OTOP2: variants seen among roughly 807,000 people sequenced by gnomAD.
OTOP2 encodes otopetrin 2, also known as proton channel OTOP2.
OTOP2 carries 41 observed loss-of-function variants against 47.4 expected under a neutral mutation model. That is an observed-to-expected ratio of 0.87 (90% confidence interval 0.67 to 1.12). The LOEUF (loss-of-function observed/expected upper bound fraction) is 1.12, where lower values mean the gene tolerates loss of function less well. Among genes scored for constraint, OTOP2 ranks in the 50% most tolerant of loss-of-function variants. The probability of loss-of-function intolerance (pLI) is 0.00; values close to 1 mark genes in which losing one functional copy is unlikely to be tolerated. For missense variants in OTOP2, 721 were observed against 752.2 expected, an observed-to-expected ratio of 0.96 and a Z score of 0.49; for synonymous variants, 328 against 319.6, an observed-to-expected ratio of 1.03 and a Z score of -0.28.
rs368677700 is a variant in OTOP2 at position 74,930,193 on chromosome 17, C to CA, written c.644-75dup. 0.04 allele frequency: 40,314 copies of CA among 1,018,456 alleles called. 1 individual carries two copies. The highest frequency in any genetic ancestry group is 0.052 in the South Asian group (2,596 of 50,128). 63.1% of individuals were successfully genotyped at this position (1,018,456 alleles called of 1,614,324 possible). On this transcript the variant is annotated intron_variant, in intron 5 of 6. Coordinates refer to ENST00000331427, the MANE Select transcript of OTOP2 (RefSeq NM_178160.3). The surrounding 1 kb of genome is among the most constrained non-coding windows in gnomAD (Gnocchi z 4.0). ...AGTGAAACTCCGTCTCAAAACAAAA[C>CA]AAAAAAAAAAAGGTCACAGGCTAGG...
chr17:74,932,918 G>A (rs1398807783), intron 6 of OTOP2, among the ~76,000 whole-genome samples: 1 of 152,194 alleles, frequency 6.6e-6, no homozygotes, highest in Non-Finnish European at 1.5e-5. Context: ...GGAGGGCAGA[G>A]CTCAAGGAGG....
At position 74,933,102 on chromosome 17, in the gene OTOP2, C is replaced by T. The variant is rs966269492; in HGVS notation, c.1519-273C>T. Among the ~76,000 whole-genome samples the T allele has an allele frequency of 1.3e-5, 2 of 152,096 alleles. No homozygotes were observed. The highest frequency in any genetic ancestry group is 4.8e-5 in the African/African-American group (2 of 41,378). On this transcript the variant is annotated intron_variant, in intron 6 of 6. Coordinates refer to ENST00000331427, the MANE Select transcript of OTOP2 (RefSeq NM_178160.3). This position sits in a 1 kb window ranked among gnomAD's most constrained non-coding sequence, Gnocchi z 4.7. The stretch of plus-strand genomic sequence containing the variant: ...CCCCTCCCCAATCCCACATTGAGGC[C>T]CTGCTAAGATTTTGGGAGAGGTGAT...
rs1374382942 is a variant in OTOP2, at chr17:74,925,612, T to G, written c.370T>G (p.Tyr124Asp). Reference protein sequence around the residue: ...TLIMDVFKTGYYSSFFECQSA... With the variant: ...TLIMDVFKTGDYSSFFECQSA... ...CATCATGGATGTCTTCAAGACCGGC[T>G]ACTACTCCAGTTTCTTTGAGTGCCA... The change falls in exon 3 of 7, where the codon TAC becomes GAC. Residue 124 changes from tyrosine to aspartate, a missense_variant. By Grantham distance (160) the Tyr-to-Asp change is radical. Transcript: ENST00000331427. 6.2e-7 allele frequency: 1 copy of G among 1,614,050 alleles called. No homozygotes were observed. The highest frequency in any genetic ancestry group is 1.3e-5 in the African/African-American group (1 of 74,914).
intron 3 of OTOP2, among the ~76,000 whole-genome samples, 164 bp from the exon 4 acceptor site, chr17:74,927,059 G>A (rs919480477): frequency 6.6e-6 from 1 of 152,228 alleles, no homozygotes; most frequent in Non-Finnish European, 1.5e-5. Context: ...ACAGGCGTGA[G>A]CCACTGCACC....
At position 74,931,070 on chromosome 17, in the gene OTOP2, G is replaced by C; in HGVS notation, c.1435G>C (p.Ala479Pro). ...PSPSDQREAV[A>P]IVSTPRSQWR... ...CCCTTCAGACCAGCGGGAAGCAGTG[G>C]CCATCGTCTCAACCCCCAGAAGCCA... Residue 479 changes from alanine to proline, a missense_variant, in exon 6 of 7, where the codon GCC becomes CCC. Coordinates refer to ENST00000331427, the MANE Select transcript of OTOP2 (RefSeq NM_178160.3). 1 of 1,614,098 alleles carries C rather than the reference G, an allele frequency of 6.2e-7. No individual in the cohort carries two copies. Among genetic ancestry groups the C allele is most frequent in the Non-Finnish European group, 8.5e-7 (1 of 1,180,010 alleles).
At position 74,930,635 on chromosome 17, in the gene OTOP2, G is replaced by T. The variant is rs761320824; in HGVS notation, c.1000G>T (p.Val334Phe). ...GGTCATCTACTACAGCTTCAACATTGTCTGCTTGGGACTCACCACCTTGGT... is the reference window on the plus strand; with the variant it reads ...GGTCATCTACTACAGCTTCAACATTTTCTGCTTGGGACTCACCACCTTGGT... ...ALVIYYSFNI[V>F]CLGLTTLVSL... The change falls in exon 6 of 7, where the codon GTC becomes TTC. Residue 334 changes from valine to phenylalanine, a missense_variant. Val to Phe is a conservative substitution (Grantham distance 50). Transcript: ENST00000331427. This position sits in a 1 kb window ranked among gnomAD's most constrained non-coding sequence, Gnocchi z 4.0. 14 of 1,614,044 alleles carry T rather than the reference G, an allele frequency of 8.7e-6. No individual in the cohort carries two copies. The highest frequency in any genetic ancestry group is 1.1e-5 in the Non-Finnish European group (13 of 1,180,018).
At position 74,930,792 on chromosome 17, in the gene OTOP2, C is replaced by A. The variant is rs746803896; in HGVS notation, c.1157C>A (p.Ser386Tyr). 2.5e-6 allele frequency: 4 copies of A among 1,614,082 alleles called. No individual in the cohort carries two copies. The highest frequency in any genetic ancestry group is 3.3e-5 in the Admixed American group (2 of 60,008). The change falls in exon 6 of 7, where the codon TCC (serine) becomes TAC (tyrosine). Residue 386 changes from serine (S) to tyrosine (Y), a missense_variant. Physicochemically the swap from Ser to Tyr is moderately radical, Grantham distance 144. Transcript: ENST00000331427. The surrounding 1 kb of genome is among the most constrained non-coding windows in gnomAD (Gnocchi z 4.0). ...ALGQYAISYY[S>Y]IVAVVAGTPQ... is the part of the protein sequence containing the mutation. ...GGTCAGTACGCCATCTCTTACTACT[C>A]CATCGTGGCTGTGGTGGCGGGCACA...
chr17:74,931,465 C>T (rs1465172591), intron 6 of OTOP2, among the ~76,000 whole-genome samples: 1 of 152,140 alleles, frequency 6.6e-6, no homozygotes, highest in Admixed American at 6.5e-5. Flanking sequence ...ATGTGGAAGG[C>T]GGGGTCCTCA....
intron 5 of OTOP2, among the ~76,000 whole-genome samples, chr17:74,928,403 C>A (rs1228147394): frequency 6.6e-6 from 1 of 151,972 alleles, no homozygotes; most frequent in African/African-American, 2.4e-5. Context: ...CAAGAGTGAT[C>A]AAGCTGGGAA....
intron 5 of OTOP2, among the ~76,000 whole-genome samples, chr17:74,928,927 C>T (rs2039032636): frequency 6.6e-6 from 1 of 152,148 alleles, no homozygotes; most frequent in South Asian, 2.1e-4. Flanking sequence ...AGAGAGGACT[C>T]CTGAGGGTGC....
Position 74,933,721 on chromosome 17 carries a change from G to A in OTOP2, c.*176G>A. ...AGGTTCAATTTTTAAATCACAGTCA[G>A]GACAGGCCCATCCACCCCAGTATGA... On this transcript the variant is annotated 3_prime_UTR_variant, in exon 7 of 7. Coordinates refer to ENST00000331427, the MANE Select transcript of OTOP2 (RefSeq NM_178160.3). This position sits in a 1 kb window ranked among gnomAD's most constrained non-coding sequence, Gnocchi z 4.7. The A allele has an allele frequency of 1.3e-6, 1 of 743,670 alleles. No individual in the cohort carries two copies. Among genetic ancestry groups the A allele is most frequent in the Admixed American group, 3.0e-5 (1 of 33,644 alleles). 46.1% of individuals were successfully genotyped at this position (743,670 alleles called of 1,614,324 possible). A position where few individuals can be genotyped will look rare whatever the true frequency, so the allele number is the denominator to read the frequency against.
chr17:74,931,044 G>C lies in OTOP2; in HGVS notation c.1409G>C (p.Ser470Thr). Residue 470 changes from serine to threonine, a missense_variant, in exon 6 of 7, where the codon AGC becomes ACC. Transcript: ENST00000331427. The stretch of plus-strand genomic sequence containing the variant: ...CCCAACCCCGGGCTGGTTAGCCCCA[G>C]CCCTTCAGACCAGCGGGAAGCAGTG... ...CPPNPGLVSP[S>T]PSDQREAVAI... 6.2e-7 allele frequency: 1 copy of C among 1,614,150 alleles called. No homozygotes were observed. The highest frequency in any genetic ancestry group is 8.5e-7 in the Non-Finnish European group (1 of 1,180,012).
rs2039075175 is a variant in OTOP2, at chr17:74,933,269, G to A, written c.1519-106G>A. The A allele has an allele frequency of 3.6e-6, 5 of 1,382,344 alleles. No individual in the cohort carries two copies. The African/African-American group carries it at 5.7e-5, about 16-fold the overall frequency. 85.6% of individuals were successfully genotyped at this position (1,382,344 alleles called of 1,614,324 possible). On this transcript the variant is annotated intron_variant, in intron 6 of 6. Coordinates refer to ENST00000331427, the MANE Select transcript of OTOP2 (RefSeq NM_178160.3). The surrounding 1 kb of genome is among the most constrained non-coding windows in gnomAD (Gnocchi z 4.7). ...ACACCCAGCCCTCCGTGTCCACCAA[G>A]CTAGAAGGATGGGCCGCCATCTAGC... is the stretch of plus-strand genomic sequence containing the variant.
In OTOP2 at chr17:74,924,839, G is replaced by A; in HGVS notation, c.207G>A (p.Met69Ile). The A allele has an allele frequency of 6.2e-7, 1 of 1,610,124 alleles. No homozygotes were observed. Among genetic ancestry groups the A allele is most frequent in the Middle Eastern group, 1.7e-4 (1 of 6,060 alleles). ...ACGTGTTCGCGCTGCTCACTGCGATGATGCTGCTGGCAACGCTCTGGATCC... is the reference window on the plus strand; with the variant it reads ...ACGTGTTCGCGCTGCTCACTGCGATAATGCTGCTGGCAACGCTCTGGATCC... ...DTDVFALLTA[M>I]MLLATLWILF... is the part of the protein sequence containing the mutation. The change falls in exon 2 of 7, where the codon ATG becomes ATA. Residue 69 changes from methionine (M) to isoleucine (I), a missense_variant. Coordinates refer to ENST00000331427, the MANE Select transcript of OTOP2 (RefSeq NM_178160.3). This position sits in a 1 kb window ranked among gnomAD's most constrained non-coding sequence, Gnocchi z 7.7.
rs759797665 is a variant in OTOP2, at chr17:74,930,829, G to GGTGTGGTGGCGGGCACACCC, written c.1194_1195insGTGTGGTGGCGGGCACACCC (p.Leu399ValfsTer19). 3 of 1,614,130 alleles carry GGTGTGGTGGCGGGCACACCC rather than the reference G, an allele frequency of 1.9e-6. No homozygotes were observed. The highest frequency in any genetic ancestry group is 2.5e-6 in the Non-Finnish European group (3 of 1,180,032). ...TGGTGGCGGGCACACCCCAGGACCT[G>GGTGTGGTGGCGGGCACACCC]CTGGCAGGGCTCAACCTCACCCATG... On this transcript the variant is annotated frameshift_variant, in exon 6 of 7. Transcript: ENST00000331427. LOFTEE classifies it high-confidence loss of function. The surrounding 1 kb of genome is among the most constrained non-coding windows in gnomAD (Gnocchi z 4.0).
In OTOP2 at chr17:74,930,662, A is replaced by G; in HGVS notation, c.1027A>G (p.Ser343Gly). 1 of 1,614,080 alleles carries G rather than the reference A, an allele frequency of 6.2e-7. No individual in the cohort carries two copies. The highest frequency in any genetic ancestry group is 8.5e-7 in the Non-Finnish European group (1 of 1,180,020). The change falls in exon 6 of 7, where the codon AGC becomes GGC. Residue 343 changes from serine (S) to glycine (G), a missense_variant. Physicochemically the swap from Ser to Gly is moderately conservative, Grantham distance 56. Transcript: ENST00000331427. The surrounding 1 kb of genome is among the most constrained non-coding windows in gnomAD (Gnocchi z 4.0). ...IVCLGLTTLV[S>G]LSGSIIYRFD... is the part of the protein sequence containing the mutation. ...CTGCTTGGGACTCACCACCTTGGTC[A>G]GCCTGAGCGGCTCCATCATCTACCG... is the stretch of plus-strand genomic sequence containing the variant.
chr17:74,933,711 A>G lies in OTOP2; in HGVS notation c.*166A>G. On this transcript the variant is annotated 3_prime_UTR_variant, in exon 7 of 7. Transcript: ENST00000331427. This position sits in a 1 kb window ranked among gnomAD's most constrained non-coding sequence, Gnocchi z 4.7. ...TTATTTTTCCAGGTTCAATTTTTAA[A>G]TCACAGTCAGGACAGGCCCATCCAC... 1 of 873,012 alleles carries G rather than the reference A, an allele frequency of 1.1e-6. No individual in the cohort carries two copies. The highest frequency in any genetic ancestry group is 2.7e-5 in the East Asian group (1 of 36,882). 54.1% of individuals were successfully genotyped at this position (873,012 alleles called of 1,614,324 possible).
rs2039000682 is a variant in OTOP2 at position 74,925,660 on chromosome 17, C to T, written c.418C>T (p.Pro140Ser). Reference sequence around the variant, plus strand: ...CCAGTCAGCCATCAAGATCCTGCACCCCCTCATCCAGGCTGTGTTTGTCAT... The same window carrying T: ...CCAGTCAGCCATCAAGATCCTGCACTCCCTCATCCAGGCTGTGTTTGTCAT... ...ECQSAIKILH[P>S]LIQAVFVIIQ... Residue 140 changes from proline to serine, a missense_variant, in exon 3 of 7, where the codon CCC becomes TCC. Physicochemically the swap from Pro to Ser is moderately conservative, Grantham distance 74. Transcript: ENST00000331427. 2.5e-6 allele frequency: 4 copies of T among 1,614,182 alleles called. No individual in the cohort carries two copies. The highest frequency in any genetic ancestry group is 3.4e-6 in the Non-Finnish European group (4 of 1,180,036).
rs763555455 is a variant in OTOP2 at position 74,931,002 on chromosome 17, C to T, written c.1367C>T (p.Thr456Met). ...TTCACCAACCTGGATGCCCTCCACA[C>T]GTTGTCCGCCTGCCCACCCAACCCC... is the stretch of plus-strand genomic sequence containing the variant. ...LTFTNLDALHTLSACPPNPGL... is the reference protein window; with the variant it reads ...LTFTNLDALHMLSACPPNPGL... The change falls in exon 6 of 7, where the codon ACG becomes ATG. Residue 456 changes from threonine to methionine, a missense_variant. Thr to Met is a moderately conservative substitution (Grantham distance 81). Transcript: ENST00000331427. 7 of 1,614,042 alleles carry T rather than the reference C, an allele frequency of 4.3e-6. No individual in the cohort carries two copies. Among genetic ancestry groups the T allele is most frequent in the Non-Finnish European group, 4.2e-6 (5 of 1,180,020 alleles).
Sources: gnomAD v4.1 joint callset for allele counts (sites outside exome capture counted in the v4.1 genomes callset) on GRCh38, gnomAD v4.1.1 for gene constraint, Gnocchi (gnomAD v3.1) non-coding constraint, MANE v1.5 for transcripts, NCBI Gene and HGNC (gene_info 2026-07-23, HGNC 2026-07-21) for gene names.